Variants in ZNF721 observed in about 807,000 individuals in gnomAD.
ZNF721 encodes zinc finger protein 721.
ZNF721 carries 2 observed loss-of-function variants against 2.4 expected under a neutral mutation model. The ratio of observed to expected loss-of-function variants is 0.82; its 90% CI spans 0.34 to 2.58. ZNF721 has a LOEUF of 2.58. Ranked by LOEUF, ZNF721 falls within the 30% of genes most tolerant of loss-of-function variation. The probability of loss-of-function intolerance (pLI) is 0.11; values close to 1 mark genes in which losing one functional copy is unlikely to be tolerated. For missense variants in ZNF721, 1,187 were observed against 1,085.5 expected, an observed-to-expected ratio of 1.09 and a Z score of -1.31; for synonymous variants, 398 against 381.8, an observed-to-expected ratio of 1.04 and a Z score of -0.50.
At chr4:448,105 A>G (rs1312611281) in intron 2 of ZNF721, among the ~76,000 whole-genome samples, 2 of 152,178 alleles carry the variant, frequency 1.3e-5, no homozygotes, top group African/African-American at 4.8e-5. Context: ...GAGAATACAC[A>G]CCTTCCTGAA....
Position 440,245 on chromosome 4 carries a change from CTT to C in ZNF721, c.*1448_*1449del, listed in dbSNP as rs1553862885. On this transcript the variant is annotated 3_prime_UTR_variant, in exon 3 of 3. Transcript: ENST00000511833. ...CTGGTGCATCTTTTATTTCTCTTCT[CTT>C]TCATGTAGAAGTCTATGAATAATGC... 6.6e-6 allele frequency: 1 copy of C among 152,190 alleles called. No individual in the cohort carries two copies. The highest frequency in any genetic ancestry group is 2.4e-5 in the African/African-American group (1 of 41,438). The allele number at this position is 152,190 out of a possible 1,614,324, so 9.4% of individuals were successfully genotyped here. A position where few individuals can be genotyped will look rare whatever the true frequency, so the allele number is the denominator to read the frequency against.
intron 1 of ZNF721, among the ~76,000 whole-genome samples, chr4:476,554 C>G (rs142821522): frequency 6.6e-6 from 1 of 152,200 alleles, no homozygotes; most frequent in Non-Finnish European, 1.5e-5. Context: ...ATTTACCACA[C>G]CATTTAACAA....
At chr4:449,860 C>CA (rs1714591148) in intron 2 of ZNF721, among the ~76,000 whole-genome samples, 2 of 152,136 alleles carry the variant, frequency 1.3e-5, no homozygotes, top group African/African-American at 4.8e-5. Flanking sequence ...GATACCACTT[C>CA]ACTCCAATTA....
intron 1 of ZNF721, among the ~76,000 whole-genome samples, chr4:484,996 TTC>T (rs1422393673): frequency 9.2e-5 from 14 of 152,124 alleles, no homozygotes; most frequent in African/African-American, 2.4e-4. Context: ...GCTTTAAAAT[TTC>T]TCTCTTTTGT....
intron 2 of ZNF721, among the ~76,000 whole-genome samples, chr4:455,041 A>T (rs1383594359): frequency 6.6e-6 from 1 of 152,190 alleles, no homozygotes; most frequent in Non-Finnish European, 1.5e-5. Context: ...TGGACTCTAG[A>T]GCCCAGGCTG....
chr4:485,233 T>C (rs1715864330), intron 1 of ZNF721, among the ~76,000 whole-genome samples: 2 of 152,138 alleles, frequency 1.3e-5, no homozygotes, highest in Non-Finnish European at 2.9e-5. Context: ...GGTATTAATA[T>C]TCCAAGGTAT....
chr4:465,788 AAAAAC>A (rs1458844626), intron 2 of ZNF721, among the ~76,000 whole-genome samples: 6 of 151,748 alleles, frequency 4.0e-5, no homozygotes, highest in East Asian at 1.9e-4. Flanking sequence ...ATTACAAAAA[AAAAAC>A]AAAACAAAAC....
intron 2 of ZNF721, among the ~76,000 whole-genome samples, chr4:464,277 C>G (rs529921962): frequency 1.6e-4 from 24 of 151,990 alleles, no homozygotes; most frequent in African/African-American, 5.5e-4. Flanking sequence ...TCAAGACCAG[C>G]CTGGCCAACA....
At chr4:480,599 T>G (rs782720721) in intron 1 of ZNF721, among the ~76,000 whole-genome samples, 5 of 152,192 alleles carry the variant, frequency 3.3e-5, no homozygotes, top group Non-Finnish European at 7.3e-5. Context: ...TACTTCCTGT[T>G]TCTGTAAGTT....
intron 1 of ZNF721, among the ~76,000 whole-genome samples, chr4:494,437 C>G (rs1485770734): frequency 2.0e-5 from 3 of 151,994 alleles, no homozygotes; most frequent in African/African-American, 7.3e-5. Context: ...CCACCCACCT[C>G]GGCCTCCCAA....
At chr4:466,068 C>T (rs1715242081) in intron 2 of ZNF721, among the ~76,000 whole-genome samples, 1 of 150,136 alleles carries the variant, frequency 6.7e-6, no homozygotes, top group Non-Finnish European at 1.5e-5. Context: ...ACAATCTTGG[C>T]TCACTGCAAC....
At chr4:463,249 G>C (rs1715125751) in intron 2 of ZNF721, among the ~76,000 whole-genome samples, 2 of 150,162 alleles carry the variant, frequency 1.3e-5, no homozygotes, top group South Asian at 2.1e-4. Context: ...TAAGAAGTCA[G>C]GAAACAATAG....
chr4:443,271 T>C lies in ZNF721; in HGVS notation c.1196A>G (p.Asn399Ser). Reference protein sequence around the residue: ...YKCEECGKAFNSSTNLTAHKR... With the variant: ...YKCEECGKAFSSSTNLTAHKR... ...ATGTGCAGTAAGGTTTGTTGAACTATTAAAGGCTTTGCCACACTCTTCACA... is the reference window on the plus strand; with the variant it reads ...ATGTGCAGTAAGGTTTGTTGAACTACTAAAGGCTTTGCCACACTCTTCACA... The change falls in exon 3 of 3, where the codon AAT (asparagine) becomes AGT (serine). Residue 399 changes from asparagine to serine, a missense_variant. Transcript: ENST00000511833. The C allele has an allele frequency of 6.2e-7, 1 of 1,612,996 alleles. No homozygotes were observed. The highest frequency in any genetic ancestry group is 1.3e-5 in the African/African-American group (1 of 74,714).
In ZNF721 at chr4:444,102, G is replaced by A; in HGVS notation, c.365C>T (p.Ser122Leu). 3 of 1,614,156 alleles carry A rather than the reference G, an allele frequency of 1.9e-6. No individual in the cohort carries two copies. Among genetic ancestry groups the A allele is most frequent in the Non-Finnish European group, 1.7e-6 (2 of 1,180,014 alleles). Reference protein sequence around the residue: ...NECGKSFQKFSDLTQHKGIHA... With the variant: ...NECGKSFQKFLDLTQHKGIHA... ...AATTCCTTTATGTTGAGTTAGGTCT[G>A]AGAACTTCTGAAATGACTTGCCACA... The change falls in exon 3 of 3, where the codon TCA becomes TTA. Residue 122 changes from serine to leucine, a missense_variant. Coordinates refer to ENST00000511833, the MANE Select transcript of ZNF721 (RefSeq NM_133474.4).
chr4:465,999 CTT>C (rs1205295172), intron 2 of ZNF721, among the ~76,000 whole-genome samples: 18 of 134,188 alleles, frequency 1.3e-4, no homozygotes, highest in African/African-American at 8.2e-5. Context: ...TTTTTCTTTT[CTT>C]TTTTTTTTTT....
At chr4:492,097 A>G (rs1168896058) in intron 1 of ZNF721, among the ~76,000 whole-genome samples, 1 of 151,850 alleles carries the variant, frequency 6.6e-6, no homozygotes, top group Non-Finnish European at 1.5e-5. Flanking sequence ...AAGGAGGCAG[A>G]GCTTGCAGTG....
At chr4:464,452 G>C (rs970075172) in intron 2 of ZNF721, among the ~76,000 whole-genome samples, 1 of 125,984 alleles carries the variant, frequency 7.9e-6, no homozygotes, top group African/African-American at 3.1e-5. Context: ...CTGGGCTACA[G>C]AGCGAGACTC....
rs546348494 is a variant in ZNF721 at position 443,346 on chromosome 4, G to A, written c.1121C>T (p.Thr374Ile). The change falls in exon 3 of 3, where the codon ACA becomes ATA. Residue 374 changes from threonine to isoleucine, a missense_variant. By Grantham distance (89) the Thr-to-Ile change is moderately conservative. Coordinates refer to ENST00000511833, the MANE Select transcript of ZNF721 (RefSeq NM_133474.4). ...EDCGKAFGRY[T>I]ALNQHKKIHT... ...AATTTTCTTGTGTTGATTCAGGGCT[G>A]TGTACCGTCCAAAGGCTTTGCCACA... 1.4e-5 allele frequency: 22 copies of A among 1,614,050 alleles called. No individual in the cohort carries two copies. The East Asian group carries it at 3.6e-4, about 26-fold the overall frequency.
At chr4:446,114 T>C (rs1553864121) in intron 2 of ZNF721, among the ~76,000 whole-genome samples, 1 of 152,004 alleles carries the variant, frequency 6.6e-6, no homozygotes, top group African/African-American at 2.4e-5. Flanking sequence ...GAAGAAAGTG[T>C]CTTCCAGTGA....
Sources: gnomAD v4.1 joint callset for allele counts (sites outside exome capture counted in the v4.1 genomes callset) on GRCh38, gnomAD v4.1.1 for gene constraint, MANE v1.5 for transcripts, NCBI Gene and HGNC (gene_info 2026-07-23, HGNC 2026-07-21) for gene names.